The following FSTL5 variants were observed in gnomAD, a reference collection of about 807,000 sequenced individuals.
FSTL5 encodes follistatin like 5, also known as follistatin-related protein 5.
FSTL5 carries 62 observed loss-of-function variants against 89.1 expected under a neutral mutation model. The ratio of observed to expected loss-of-function variants is 0.70; its 90% CI spans 0.57 to 0.86. The LOEUF is 0.86. FSTL5 is among the 40% of genes least tolerant of loss of function. The pLI, the probability that FSTL5 is intolerant of heterozygous loss-of-function variation, is 0.00. For missense variants in FSTL5, 1,057 were observed against 1,001.6 expected, an observed-to-expected ratio of 1.06 and a Z score of -0.75; for synonymous variants, 383 against 346.2, an observed-to-expected ratio of 1.11 and a Z score of -1.18.
chr4:161,459,212 C>G lies in FSTL5; in HGVS notation c.1716G>C (p.Gln572His). The part of the protein sequence containing the change: ...GTLEKTSPTL[Q>H]VITLASGNVP... Reference sequence around the variant, plus strand: ...CTCTAATATACTGAAATGTACTTACCTGTAGTGTTGGTGATGTCTTCTCCA... The same window carrying G: ...CTCTAATATACTGAAATGTACTTACGTGTAGTGTTGGTGATGTCTTCTCCA... Residue 572 changes from glutamine to histidine, a missense_variant and splice_region_variant, in exon 14 of 16, where the codon CAG becomes CAC. Transcript: ENST00000306100. 6.6e-7 allele frequency: 1 copy of G among 1,517,224 alleles called. No individual in the cohort carries two copies. The highest frequency in any genetic ancestry group is 9.2e-7 in the Non-Finnish European group (1 of 1,092,014). 94.0% of individuals were successfully genotyped at this position (1,517,224 alleles called of 1,614,324 possible).
chr4:161,830,289 T>A (rs1210996773), intron 4 of FSTL5, among the ~76,000 whole-genome samples: 1 of 152,058 alleles, frequency 6.6e-6, no homozygotes, highest in Non-Finnish European at 1.5e-5. Flanking sequence ...TGCCAACTAA[T>A]TCCAGAGATT....
intron 3 of FSTL5, among the ~76,000 whole-genome samples, chr4:161,967,131 T>C (rs940061079): frequency 2.0e-5 from 3 of 151,910 alleles, no homozygotes; most frequent in African/African-American, 4.8e-5. Context: ...GTTACTCAGA[T>C]ATCACAATTT....
chr4:162,005,579 T>A (rs1258943830), intron 3 of FSTL5, among the ~76,000 whole-genome samples: 1 of 152,018 alleles, frequency 6.6e-6, no homozygotes. Flanking sequence ...GTAAAACCAC[T>A]GAAAGAGATC....
At chr4:161,607,724 T>G (rs974131262) in intron 7 of FSTL5, among the ~76,000 whole-genome samples, 1 of 152,198 alleles carries the variant, frequency 6.6e-6, no homozygotes, top group Non-Finnish European at 1.5e-5. Flanking sequence ...TTTGTGCCGC[T>G]TCTAATCTTA....
intron 1 of FSTL5, among the ~76,000 whole-genome samples, chr4:162,145,902 C>G (rs1732955401): frequency 6.6e-6 from 1 of 151,954 alleles, no homozygotes; most frequent in Admixed American, 6.6e-5. Flanking sequence ...AAACTTTTTT[C>G]TAAAAAAGTG....
At chr4:161,426,570 G>A (rs931184280) in intron 15 of FSTL5, among the ~76,000 whole-genome samples, 1 of 152,100 alleles carries the variant, frequency 6.6e-6, no homozygotes, top group African/African-American at 2.4e-5. Context: ...CTCAAAGCTC[G>A]AGGGAACAAA....
intron 3 of FSTL5, among the ~76,000 whole-genome samples, chr4:162,000,563 A>ACT (rs1736433429): frequency 6.6e-6 from 1 of 151,648 alleles, no homozygotes; most frequent in African/African-American, 2.4e-5. Flanking sequence ...GCCCCACGAT[A>ACT]CTCCAGCCTG....
At chr4:161,859,480 A>G (rs982385706) in intron 4 of FSTL5, among the ~76,000 whole-genome samples, 9 of 152,176 alleles carry the variant, frequency 5.9e-5, no homozygotes, top group Non-Finnish European at 1.0e-4. Flanking sequence ...ACATAACTCA[A>G]TGGTAATAAC....
intron 2 of FSTL5, among the ~76,000 whole-genome samples, chr4:162,046,555 G>T (rs1389213210): frequency 1.3e-5 from 2 of 151,914 alleles, no homozygotes; most frequent in African/African-American, 4.8e-5. Context: ...GTTTTCTCCT[G>T]GTTCCAGGAG....
intron 4 of FSTL5, among the ~76,000 whole-genome samples, chr4:161,796,961 A>C (rs2126825531): frequency 6.6e-6 from 1 of 151,756 alleles, no homozygotes; most frequent in Admixed American, 6.6e-5. Flanking sequence ...GCTACTAAAT[A>C]AGTTATCTCA....
At chr4:161,654,131 A>G (rs1736430812) in intron 7 of FSTL5, among the ~76,000 whole-genome samples, 1 of 152,126 alleles carries the variant, frequency 6.6e-6, no homozygotes, top group South Asian at 2.1e-4. Context: ...AAAATTTTGA[A>G]TTTCTGAAAC....
intron 12 of FSTL5, among the ~76,000 whole-genome samples, chr4:161,485,156 C>T (rs1423765973): frequency 6.6e-6 from 1 of 152,166 alleles, no homozygotes; most frequent in Non-Finnish European, 1.5e-5. Flanking sequence ...AAGATATTTA[C>T]TTACTACCTG....
At chr4:161,665,431 C>T (rs1489833917) in intron 6 of FSTL5, among the ~76,000 whole-genome samples, 4 of 152,092 alleles carry the variant, frequency 2.6e-5, no homozygotes, top group African/African-American at 9.7e-5. Context: ...GATGGGGTTT[C>T]ACCGTGTTAG....
At chr4:161,964,551 G>A (rs1025572987) in intron 3 of FSTL5, among the ~76,000 whole-genome samples, 7 of 151,936 alleles carry the variant, frequency 4.6e-5, no homozygotes, top group Admixed American at 3.3e-4. Flanking sequence ...ATATAGCGGA[G>A]TGGGAGATTT....
chr4:161,389,296 G>T (rs1289549554), intron 15 of FSTL5, among the ~76,000 whole-genome samples: 1 of 152,106 alleles, frequency 6.6e-6, no homozygotes, highest in Non-Finnish European at 1.5e-5. Flanking sequence ...AGAAATAAGA[G>T]AGTTAAAATT....
intron 4 of FSTL5, among the ~76,000 whole-genome samples, chr4:161,894,373 G>A (rs1400217487): frequency 6.6e-6 from 1 of 152,120 alleles, no homozygotes; most frequent in Non-Finnish European, 1.5e-5. Flanking sequence ...GTCCATCTCT[G>A]TTTTGTATTT....
At chr4:162,049,231 T>C (rs1164495898) in intron 2 of FSTL5, among the ~76,000 whole-genome samples, 1 of 152,138 alleles carries the variant, frequency 6.6e-6, no homozygotes, top group Non-Finnish European at 1.5e-5. Context: ...GAGAGAAAGC[T>C]TTGAAGATTT....
intron 2 of FSTL5, among the ~76,000 whole-genome samples, chr4:162,045,813 T>A (rs993044491): frequency 6.6e-6 from 1 of 152,136 alleles, no homozygotes; most frequent in Non-Finnish European, 1.5e-5. Context: ...ATAAAATAAA[T>A]AATTTTTTAA....
intron 5 of FSTL5, among the ~76,000 whole-genome samples, chr4:161,767,101 C>T (rs1741041734): frequency 6.6e-6 from 1 of 152,116 alleles, no homozygotes; most frequent in South Asian, 2.1e-4. Context: ...AATAAACCAC[C>T]CAGAAGAGCT....
Sources: gnomAD v4.1 joint callset for allele counts (sites outside exome capture counted in the v4.1 genomes callset) on GRCh38, gnomAD v4.1.1 for gene constraint, MANE v1.5 for transcripts, NCBI Gene and HGNC (gene_info 2026-07-23, HGNC 2026-07-21) for gene names.